Variants in DDAH1 observed in about 807,000 individuals in gnomAD.
DDAH1 encodes the protein dimethylarginine dimethylaminohydrolase 1.
Under a neutral mutation model 28.8 loss-of-function variants are expected in DDAH1, and 19 were observed. The observed-to-expected ratio is 0.66, with a 90% CI of 0.46 to 0.97. The LOEUF is 0.97. Ranked by LOEUF, DDAH1 falls within the 50% of genes least tolerant of loss-of-function variation. DDAH1 has a pLI of 0.00. For synonymous variants in DDAH1, 153 were observed against 154.4 expected (o/e 0.99, Z 0.07); for missense variants, 326 against 375.9 (o/e 0.87, Z 1.10).
chr1:85,344,751 T>C (rs1456030710), intron 4 of DDAH1, among the ~76,000 whole-genome samples: 1 of 152,216 alleles, frequency 6.6e-6, no homozygotes, highest in African/African-American at 2.4e-5. Flanking sequence ...GACGATAGCA[T>C]GTAATTAATC....
At chr1:85,475,833 G>A (rs1655781021) in intron 2 of DDAH1, among the ~76,000 whole-genome samples, 2 of 151,998 alleles carry the variant, frequency 1.3e-5, no homozygotes, top group Admixed American at 6.6e-5. Flanking sequence ...GTTGGGTTTT[G>A]TTTGTTTGTT....
intron 1 of DDAH1, among the ~76,000 whole-genome samples, chr1:85,389,900 T>G (rs1651462451): frequency 6.6e-6 from 1 of 152,144 alleles, no homozygotes. Context: ...TCTGTTACAG[T>G]TATGCTAATG....
chr1:85,341,360 A>G (rs1159169806), intron 4 of DDAH1, among the ~76,000 whole-genome samples: 1 of 152,230 alleles, frequency 6.6e-6, no homozygotes. Flanking sequence ...TGCTTTTCCT[A>G]TCAGAGTTTT....
chr1:85,414,559 T>A (rs1652798618), intron 1 of DDAH1, among the ~76,000 whole-genome samples: 1 of 152,122 alleles, frequency 6.6e-6, no homozygotes, highest in Admixed American at 6.5e-5. Flanking sequence ...ATATAAAGAA[T>A]TCCTCTGAAA....
intron 1 of DDAH1, among the ~76,000 whole-genome samples, chr1:85,374,633 T>G (rs1020506105): frequency 1.3e-5 from 2 of 152,140 alleles, no homozygotes; most frequent in African/African-American, 4.8e-5. Flanking sequence ...CACCCATGCA[T>G]AGATAACACT....
chr1:85,464,502 G>A lies in DDAH1; in HGVS notation c.303+241C>T, dbSNP rs556065977. 165 of 1,488,814 alleles carry A rather than the reference G, an allele frequency of 1.1e-4. No individual in the cohort carries two copies. The East Asian group carries it at 4.3e-3, about 38-fold the overall frequency. 92.2% of individuals were successfully genotyped at this position (1,488,814 alleles called of 1,614,324 possible). The stretch of plus-strand genomic sequence containing the variant: ...GAATCCCCCGCCCACCCACCTGCCC[G>A]AGACCGTACAACCACATTGAATCGG... On this transcript the variant is annotated intron_variant, in intron 1 of 5. Coordinates refer to ENST00000284031, the MANE Select transcript of DDAH1 (RefSeq NM_012137.4). This position sits in a 1 kb window ranked among gnomAD's most constrained non-coding sequence, Gnocchi z 4.4.
intron 1 of DDAH1, among the ~76,000 whole-genome samples, chr1:85,462,530 C>A (rs1056210693): frequency 1.6e-4 from 24 of 152,162 alleles, no homozygotes; most frequent in African/African-American, 5.8e-4. Flanking sequence ...GCAGACATCA[C>A]ATGAAAAAAA....
chr1:85,437,303 G>T (rs765971188), intron 1 of DDAH1, among the ~76,000 whole-genome samples: 17 of 152,140 alleles, frequency 1.1e-4, no homozygotes, highest in Non-Finnish European at 1.9e-4. Flanking sequence ...AGTCTTCCCA[G>T]TATCAACTGC....
rs577643005 is a variant in DDAH1 at position 85,525,711 on chromosome 1, A to G, written c.-122-29430T>C. 1.1e-4 allele frequency among the ~76,000 whole-genome samples: 16 copies of G among 152,210 alleles called. No homozygotes were observed. The East Asian group carries it at 2.9e-3, about 28-fold the overall frequency. ...GTGATGGCGTAACAAGTTGCTATTTATACCCCATCTTCCATTCACCAATGT... is the reference window on the plus strand; with the variant it reads ...GTGATGGCGTAACAAGTTGCTATTTGTACCCCATCTTCCATTCACCAATGT... On this transcript the variant is annotated intron_variant, in intron 1 of 6. Coordinates refer to the DDAH1 transcript ENST00000426972.
At chr1:85,400,872 T>C (rs921115537) in intron 1 of DDAH1, among the ~76,000 whole-genome samples, 1 of 152,204 alleles carries the variant, frequency 6.6e-6, no homozygotes, top group Admixed American at 6.5e-5. Flanking sequence ...TATTCCTATA[T>C]CCATCTTTTG....
At chr1:85,400,184 T>TTA (rs1170734980) in intron 1 of DDAH1, among the ~76,000 whole-genome samples, 3 of 78,456 alleles carry the variant, frequency 3.8e-5, no homozygotes, top group East Asian at 9.1e-4. Context: ...TTTCTTTTTT[T>TTA]TTTTTTTTTT....
chr1:85,560,913 TTAA>T (rs1659121244), intron 1 of DDAH1, among the ~76,000 whole-genome samples: 1 of 152,118 alleles, frequency 6.6e-6, no homozygotes, highest in Non-Finnish European at 1.5e-5. Flanking sequence ...AGTAAACAAA[TTAA>T]TGAGCATCTT....
intron 4 of DDAH1, among the ~76,000 whole-genome samples, chr1:85,332,008 T>C (rs1647797238): frequency 1.3e-5 from 2 of 152,282 alleles, no homozygotes; most frequent in South Asian, 4.1e-4. Flanking sequence ...CATGTTCCCA[T>C]GTTGACTGCT....
intron 1 of DDAH1, among the ~76,000 whole-genome samples, chr1:85,551,000 G>A (rs1658772743): frequency 6.6e-6 from 1 of 152,188 alleles, no homozygotes; most frequent in African/African-American, 2.4e-5. Flanking sequence ...TCTGCCCACG[G>A]AGCATTCTTC....
intron 4 of DDAH1, among the ~76,000 whole-genome samples, chr1:85,343,424 G>A (rs1218119741): frequency 1.3e-5 from 2 of 152,212 alleles, no homozygotes; most frequent in Non-Finnish European, 2.9e-5. Flanking sequence ...AGCATAAACA[G>A]TTGTTACAAA....
intron 4 of DDAH1, among the ~76,000 whole-genome samples, chr1:85,334,917 T>C (rs980917666): frequency 2.0e-5 from 3 of 151,968 alleles, no homozygotes; most frequent in African/African-American, 4.8e-5. Context: ...CAATTAAGGG[T>C]ACTATATCCA....
In DDAH1 at chr1:85,542,206, G is replaced by A. The variant is rs993577869; in HGVS notation, c.-123+35778C>T. On this transcript the variant is annotated intron_variant, in intron 1 of 6. Transcript: ENST00000426972. The stretch of plus-strand genomic sequence containing the variant: ...CTGAACACTGTCTATAATACAACAT[G>A]GGAATGCCTATAAGAAGCTGGTGTT... Among the ~76,000 whole-genome samples the A allele has an allele frequency of 2.6e-5, 4 of 152,166 alleles. No homozygotes were observed. In the South Asian group the frequency reaches 8.3e-4, roughly 32 times the overall value.
At position 85,443,730 on chromosome 1, in the gene DDAH1, A is replaced by T. The variant is rs188211359; in HGVS notation, c.303+21013T>A. Among the ~76,000 whole-genome samples the T allele has an allele frequency of 4.9e-3, 742 of 152,246 alleles. 6 individuals carry two copies. The highest frequency in any genetic ancestry group is 0.017 in the African/African-American group (700 of 41,530). The stretch of plus-strand genomic sequence containing the variant: ...AGTTCTCCTTGAAGAGGTCCTTCAC[A>T]TCCCTTGTAAGTTGGATTCCTAGGT... On this transcript the variant is annotated intron_variant, in intron 1 of 5. Coordinates refer to ENST00000284031, the MANE Select transcript of DDAH1 (RefSeq NM_012137.4).
At chr1:85,514,359 G>T (rs1657367923) in intron 1 of DDAH1, among the ~76,000 whole-genome samples, 1 of 152,088 alleles carries the variant, frequency 6.6e-6, no homozygotes, top group Non-Finnish European at 1.5e-5. Context: ...ACAGGGTGGG[G>T]AACATCACAC....
Sources: gnomAD v4.1 joint callset for allele counts (sites outside exome capture counted in the v4.1 genomes callset) on GRCh38, gnomAD v4.1.1 for gene constraint, Gnocchi (gnomAD v3.1) non-coding constraint, MANE v1.5 for transcripts, NCBI Gene and HGNC (gene_info 2026-07-23, HGNC 2026-07-21) for gene names.